The following FBXL18 variants were observed in gnomAD, a reference collection of about 807,000 sequenced individuals.
FBXL18 encodes the protein F-box/LRR-repeat protein 18.
A neutral mutation model predicts 46.0 loss-of-function variants in FBXL18; 36 were observed. The observed-to-expected ratio is 0.78, with a 90% CI of 0.60 to 1.03. The LOEUF is 1.03. FBXL18 is among the 50% of genes least tolerant of loss of function. FBXL18 has a pLI of 0.00. For synonymous variants in FBXL18, 557 were observed against 465.3 expected, an observed-to-expected ratio of 1.20 and a Z score of -2.54; for missense variants, 977 against 1,004.1, an observed-to-expected ratio of 0.97 and a Z score of 0.36.
chr7:5,512,306 A>T (rs1031233925), intron 1 of FBXL18, among the ~76,000 whole-genome samples: 2 of 122,842 alleles, frequency 1.6e-5, no homozygotes, highest in African/African-American at 3.9e-5. Flanking sequence ...TTAAAAAAAA[A>T]AAAAAAAAAA....
At chr7:5,462,421 C>T (rs1441590085) in intron 4 of FBXL18, among the ~76,000 whole-genome samples, 10 of 152,178 alleles carry the variant, frequency 6.6e-5, no homozygotes, top group African/African-American at 9.7e-5. Context: ...CCTGTTGGCA[C>T]GCATTTCCTT....
chr7:5,506,907 T>A (rs2128238661), intron 1 of FBXL18, among the ~76,000 whole-genome samples: 1 of 152,274 alleles, frequency 6.6e-6, no homozygotes. Flanking sequence ...TGTTCTTCCC[T>A]AATGTGGGCC....
At position 5,464,834 on chromosome 7, in the gene FBXL18, T is replaced by C. The variant is rs570889482; in HGVS notation, c.2001-16991A>G. Reference sequence around the variant, plus strand: ...ATCCCAGCACTTTGGGAGGCCGAGGTGGGCAAATCACCAGAGGTTAGGAGT... The same window carrying C: ...ATCCCAGCACTTTGGGAGGCCGAGGCGGGCAAATCACCAGAGGTTAGGAGT... On this transcript the variant is annotated intron_variant and NMD_transcript_variant, in intron 4 of 6. Transcript: ENST00000415009. Among the ~76,000 whole-genome samples the C allele has an allele frequency of 2.7e-5, 4 of 148,708 alleles. No homozygotes were observed. The Admixed American group carries it at 2.7e-4, about 10-fold the overall frequency.
intron 4 of FBXL18, among the ~76,000 whole-genome samples, chr7:5,454,883 G>A (rs192070827): frequency 2.6e-5 from 4 of 152,236 alleles, no homozygotes; most frequent in Non-Finnish European, 4.4e-5. Context: ...AGTGAGAGAG[G>A]ACGCGCTGCT....
At chr7:5,474,310 G>GT (rs57034960), downstream of FBXL18, among the ~76,000 whole-genome samples, 207 of 144,798 alleles carry the variant, frequency 1.4e-3, 1 homozygote, top group East Asian at 9.3e-3. Flanking sequence ...TGTGCAGTTC[G>GT]TTTTTTTTTT....
chr7:5,474,685 T>TA (rs1783480395), downstream of FBXL18, among the ~76,000 whole-genome samples: 1 of 2,068 alleles, frequency 4.8e-4, no homozygotes, highest in African/African-American at 2.5e-3. Flanking sequence ...TGCACTTTAT[T>TA]TTTTATTTAT....
chr7:5,463,545 G>C (rs1259075615), intron 4 of FBXL18, among the ~76,000 whole-genome samples: 1 of 151,502 alleles, frequency 6.6e-6, no homozygotes, highest in South Asian at 2.1e-4. Context: ...CTTGAGCCCA[G>C]GAGGTCAAGG....
downstream of FBXL18, among the ~76,000 whole-genome samples, chr7:5,471,626 G>T (rs544668227): frequency 6.6e-6 from 1 of 152,242 alleles, no homozygotes; most frequent in African/African-American, 2.4e-5. Flanking sequence ...TAGCCAGGAT[G>T]GTCTCGATCT....
At chr7:5,506,655 C>T (rs375833675) in intron 1 of FBXL18, among the ~76,000 whole-genome samples, 1 of 151,154 alleles carries the variant, frequency 6.6e-6, no homozygotes, top group African/African-American at 2.4e-5. Flanking sequence ...CTCGCAGGTT[C>T]AGGAGATTTT....
At chr7:5,459,386 C>T (rs1014105459) in intron 4 of FBXL18, among the ~76,000 whole-genome samples, 6 of 151,898 alleles carry the variant, frequency 4.0e-5, no homozygotes, top group African/African-American at 1.2e-4. Flanking sequence ...GTGGATCACC[C>T]GAGGTCAGGA....
chr7:5,486,074 T>A (rs867024764), intron 4 of FBXL18, among the ~76,000 whole-genome samples: 1 of 134,452 alleles, frequency 7.4e-6, no homozygotes, highest in South Asian at 2.4e-4. Context: ...AATAAATAAA[T>A]AAATAAATAA....
chr7:5,512,502 CTACT>C (rs1784566910), intron 1 of FBXL18, among the ~76,000 whole-genome samples: 4 of 152,018 alleles, frequency 2.6e-5, no homozygotes, highest in Non-Finnish European at 5.9e-5. Context: ...GTAACCCCAG[CTACT>C]TGGAAGGCTG....
intron 1 of FBXL18, among the ~76,000 whole-genome samples, chr7:5,512,265 A>G (rs1425133143): frequency 2.7e-5 from 4 of 148,648 alleles, no homozygotes; most frequent in Non-Finnish European, 4.5e-5. Flanking sequence ...AAGAAAAAGA[A>G]AAAGAGGCAC....
intron 4 of FBXL18, among the ~76,000 whole-genome samples, chr7:5,467,268 C>G (rs757178586): frequency 2.0e-4 from 30 of 152,056 alleles, no homozygotes; most frequent in East Asian, 5.8e-4. Context: ...GAAGAATGGC[C>G]TGAACCTGGG....
At chr7:5,458,833 T>G (rs1783207054) in intron 4 of FBXL18, among the ~76,000 whole-genome samples, 1 of 152,076 alleles carries the variant, frequency 6.6e-6, no homozygotes. Flanking sequence ...CGCTGGCTGC[T>G]GGGTTGGCAG....
chr7:5,487,807 G>C (rs1293553050), intron 4 of FBXL18, among the ~76,000 whole-genome samples: 16 of 152,158 alleles, frequency 1.1e-4, no homozygotes, highest in Admixed American at 1.0e-3. Context: ...TTGGCAGCAA[G>C]TGCGCCGTGG....
intron 4 of FBXL18, among the ~76,000 whole-genome samples, chr7:5,458,722 G>A (rs917249975): frequency 7.9e-5 from 12 of 151,864 alleles, no homozygotes; most frequent in South Asian, 2.1e-4. Flanking sequence ...TTAGCTGGGC[G>A]TGGTGGCACA....
chr7:5,471,620 C>T (rs978990597), downstream of FBXL18, among the ~76,000 whole-genome samples: 1 of 152,166 alleles, frequency 6.6e-6, no homozygotes, highest in Non-Finnish European at 1.5e-5. Context: ...CCGTGTTAGC[C>T]AGGATGGTCT....
At position 5,480,784 on chromosome 7, in the gene FBXL18, G is replaced by C. The variant is rs890038775; in HGVS notation, c.*991C>G. On this transcript the variant is annotated 3_prime_UTR_variant, in exon 5 of 5. Coordinates refer to ENST00000382368, the MANE Select transcript of FBXL18 (RefSeq NM_024963.6). ...TCACCATGTTGGCCAGGCTGGTCTT[G>C]AACTCCTGACCTCGTGATCCACCCA... is the stretch of plus-strand genomic sequence containing the variant. 6.6e-6 allele frequency: 1 copy of C among 151,570 alleles called. No individual in the cohort carries two copies. Among genetic ancestry groups the C allele is most frequent in the Non-Finnish European group, 1.5e-5 (1 of 67,922 alleles). The allele number at this position is 151,570 out of a possible 1,614,324, so 9.4% of individuals were successfully genotyped here. A position where few individuals can be genotyped will look rare whatever the true frequency, so the allele number is the denominator to read the frequency against.
Sources: allele counts gnomAD v4.1 joint callset (sites outside exome capture counted in the v4.1 genomes callset), GRCh38; gene constraint gnomAD v4.1.1; transcripts MANE v1.5; gene names NCBI Gene and HGNC (gene_info 2026-07-23, HGNC 2026-07-21).